Variants in FMN1 observed in about 807,000 individuals in gnomAD.
FMN1 encodes formin 1.
FMN1 carries 110 observed loss-of-function variants against 132.4 expected under a neutral mutation model. That is an observed-to-expected ratio of 0.83 (90% confidence interval 0.71 to 0.97). The LOEUF is 0.97. Ranked by LOEUF, FMN1 falls within the 50% of genes least tolerant of loss-of-function variation. The pLI, the probability that FMN1 is intolerant of heterozygous loss-of-function variation, is 0.00. For missense variants in FMN1, 1,792 were observed against 1,705.3 expected, an observed-to-expected ratio of 1.05 and a Z score of -0.90; for synonymous variants, 722 against 651.7, an observed-to-expected ratio of 1.11 and a Z score of -1.64.
chr15:33,066,756 G>C lies in FMN1; in HGVS notation c.2044-1682C>G, dbSNP rs780593301. ...ACTCCAGGGCCGCTCTGGCTCTCTT[G>C]GTCAGCATTGCAGCCCATCTCTTCT... On this transcript the variant is annotated intron_variant, in intron 5 of 20. Transcript: ENST00000616417. 8.7e-6 allele frequency: 14 copies of C among 1,613,804 alleles called. No individual in the cohort carries two copies. In the Admixed American group the frequency reaches 1.3e-4, roughly 15 times the overall value.
chr15:32,959,246 G>A (rs1355864008), intron 9 of FMN1, among the ~76,000 whole-genome samples: 1 of 152,108 alleles, frequency 6.6e-6, no homozygotes, highest in African/African-American at 2.4e-5. Context: ...AGCTGAAGGA[G>A]TTGGCCTTCA....
chr15:32,872,260 T>C (rs910931870), intron 16 of FMN1, among the ~76,000 whole-genome samples: 1 of 152,238 alleles, frequency 6.6e-6, no homozygotes, highest in East Asian at 1.9e-4. Context: ...CATTTGGACA[T>C]ACGATTGCAA....
intron 9 of FMN1, among the ~76,000 whole-genome samples, chr15:32,944,120 G>A (rs1322356252): frequency 6.6e-6 from 1 of 152,204 alleles, no homozygotes. Flanking sequence ...GGAAGGGGAA[G>A]GGCAGGACCA....
chr15:33,030,678 C>G (rs2035894152), intron 6 of FMN1, among the ~76,000 whole-genome samples: 1 of 152,138 alleles, frequency 6.6e-6, no homozygotes, highest in Admixed American at 6.5e-5. Context: ...TCAGTATTTA[C>G]ATACCGAAAA....
chr15:33,153,734 C>CGATA lies in FMN1; in HGVS notation c.1180_1181insTATC (p.Arg394IlefsTer16). 2.6e-6 allele frequency: 4 copies of CGATA among 1,536,278 alleles called. No homozygotes were observed. The highest frequency in any genetic ancestry group is 3.5e-6 in the Non-Finnish European group (4 of 1,146,952). On this transcript the variant is annotated frameshift_variant, in exon 4 of 21. Coordinates refer to ENST00000616417, the MANE Select transcript of FMN1 (RefSeq NM_001277313.2). LOFTEE classifies it high-confidence loss of function. ...TTCCCCGGCTGGCGACTGCGATGAC[C>CGATA]TATCCCCTTGCCGCTCCTTGCCCTG...
chr15:33,013,390 A>G (rs74014140), intron 6 of FMN1, among the ~76,000 whole-genome samples: 2,169 of 152,318 alleles, frequency 0.014, 54 homozygotes, highest in African/African-American at 0.046. Context: ...CATGAAGCTG[A>G]ATAAATGTGT....
At chr15:32,965,397 C>A (rs961776677) in intron 8 of FMN1, among the ~76,000 whole-genome samples, 1 of 152,056 alleles carries the variant, frequency 6.6e-6, no homozygotes, top group Non-Finnish European at 1.5e-5. Flanking sequence ...AAGAGTCCAT[C>A]TCAAAAATAA....
intron 16 of FMN1, among the ~76,000 whole-genome samples, chr15:32,876,033 CATTATA>C (rs1163502956): frequency 6.6e-6 from 1 of 152,072 alleles, no homozygotes; most frequent in African/African-American, 2.4e-5. Context: ...AAAGTATCAC[CATTATA>C]ATTACAAGAG....
At chr15:32,874,679 T>A (rs1213043025) in intron 16 of FMN1, among the ~76,000 whole-genome samples, 1 of 152,190 alleles carries the variant, frequency 6.6e-6, no homozygotes, top group Admixed American at 6.5e-5. Context: ...ATCTCTCCCC[T>A]AGAAAATGGG....
At chr15:32,883,838 C>T (rs1312371205) in intron 16 of FMN1, among the ~76,000 whole-genome samples, 1 of 152,058 alleles carries the variant, frequency 6.6e-6, no homozygotes, top group African/African-American at 2.4e-5. Flanking sequence ...TTTTTTTTAA[C>T]TACAGAACTT....
At chr15:33,052,559 T>G (rs1209678595) in intron 6 of FMN1, among the ~76,000 whole-genome samples, 2 of 152,286 alleles carry the variant, frequency 1.3e-5, no homozygotes, top group Non-Finnish European at 1.5e-5. Flanking sequence ...TCAATTCAAT[T>G]CAATTCAATT....
Position 33,103,722 on chromosome 15 carries a change from C to T in FMN1, c.1868-14748G>A, listed in dbSNP as rs555040828. 2.7e-3 allele frequency among the ~76,000 whole-genome samples: 404 copies of T among 152,134 alleles called. 4 individuals are homozygous for T. Among genetic ancestry groups the T allele is most frequent in the Middle Eastern group, 0.024 (7 of 294 alleles). On this transcript the variant is annotated intron_variant, in intron 4 of 20. Coordinates refer to ENST00000616417, the MANE Select transcript of FMN1 (RefSeq NM_001277313.2). ...GTTATGTAGAAGAGTATTTAAGGTGCCAGGGTCTTTTCAGAATGTTTTGTT... is the reference window on the plus strand; with the variant it reads ...GTTATGTAGAAGAGTATTTAAGGTGTCAGGGTCTTTTCAGAATGTTTTGTT...
intron 6 of FMN1, among the ~76,000 whole-genome samples, chr15:33,028,894 G>C (rs540326623): frequency 2.6e-5 from 4 of 152,258 alleles, no homozygotes; most frequent in African/African-American, 9.6e-5. Flanking sequence ...TCCGACGCTA[G>C]TCCAAACAAC....
At position 33,153,996 on chromosome 15, in the gene FMN1, C is replaced by T; in HGVS notation, c.919G>A (p.Glu307Lys). 6.5e-7 allele frequency: 1 copy of T among 1,536,674 alleles called. No homozygotes were observed. Among genetic ancestry groups the T allele is most frequent in the Non-Finnish European group, 8.7e-7 (1 of 1,147,038 alleles). Residue 307 changes from glutamate to lysine, a missense_variant, in exon 4 of 21, where the codon GAG (glutamate) becomes AAG (lysine). By Grantham distance (56) the Glu-to-Lys change is moderately conservative. Transcript: ENST00000616417. ...ESHQDPEKHP[E>K]AEKDEMEKPA... The stretch of plus-strand genomic sequence containing the variant: ...TTCTCCATCTCATCCTTTTCTGCCT[C>T]TGGATGCTTCTCAGGGTCCTGGTGA...
chr15:32,930,352 C>A (rs8042932), intron 9 of FMN1, among the ~76,000 whole-genome samples: 416 of 152,042 alleles, frequency 2.7e-3, no homozygotes, highest in African/African-American at 9.0e-3. Context: ...TACATTTCCA[C>A]CAACAGTGTA....
intron 4 of FMN1, among the ~76,000 whole-genome samples, chr15:33,128,547 T>C (rs974459948): frequency 6.6e-6 from 1 of 152,242 alleles, no homozygotes; most frequent in South Asian, 2.1e-4. Flanking sequence ...AGTAAACACA[T>C]ACCGAGTCCG....
intron 5 of FMN1, chr15:33,067,025 GC>G (rs1483620061): frequency 6.2e-7 from 1 of 1,613,840 alleles, no homozygotes; most frequent in African/African-American, 1.3e-5. Flanking sequence ...CTCAGCGGTA[GC>G]CCCCTTCTTC....
chr15:33,120,318 T>C (rs923827361), intron 4 of FMN1, among the ~76,000 whole-genome samples: 18 of 152,122 alleles, frequency 1.2e-4, no homozygotes, highest in African/African-American at 4.3e-4. Context: ...TCCAGTCACT[T>C]TATTCTCCTT....
rs184632313 is a variant in FMN1 at position 32,906,396 on chromosome 15, T to C, written c.3377+2094A>G. 1.1e-4 allele frequency among the ~76,000 whole-genome samples: 16 copies of C among 152,336 alleles called. No individual in the cohort carries two copies. The East Asian group carries it at 3.1e-3, about 29-fold the overall frequency. On this transcript the variant is annotated intron_variant, in intron 12 of 20. Coordinates refer to ENST00000616417, the MANE Select transcript of FMN1 (RefSeq NM_001277313.2). ...AAATTCAAATTTCAGTGTTCATAAG[T>C]AAAATGTCATTGGGGCACAGCGATA...
Sources: gnomAD v4.1 joint callset for allele counts (sites outside exome capture counted in the v4.1 genomes callset) on GRCh38, gnomAD v4.1.1 for gene constraint, MANE v1.5 for transcripts, NCBI Gene and HGNC (gene_info 2026-07-23, HGNC 2026-07-21) for gene names.